The following HECW2 variants were observed in gnomAD, a reference collection of about 807,000 sequenced individuals.
HECW2 encodes E3 ubiquitin-protein ligase HECW2.
A neutral mutation model predicts 175.2 loss-of-function variants in HECW2; 61 were observed. The ratio of observed to expected loss-of-function variants is 0.35; its 90% CI spans 0.28 to 0.43. HECW2 has a LOEUF of 0.43. HECW2 is among the 20% of genes least tolerant of loss of function. HECW2 has a pLI of 1.00. For missense variants in HECW2, 1,524 were observed against 2,000.5 expected (o/e 0.76, Z 4.54); for synonymous variants, 671 against 731.0 (o/e 0.92, Z 1.32).
rs1686766084 is a variant in HECW2 at position 196,198,721 on chromosome 2, AT to A, written c.*2555del. 6.6e-6 allele frequency: 1 copy of A among 152,198 alleles called. No homozygotes were observed. Among genetic ancestry groups the A allele is most frequent in the Admixed American group, 6.5e-5 (1 of 15,274 alleles). 9.4% of individuals were successfully genotyped at this position (152,198 alleles called of 1,614,324 possible). ...ACAGTCCAGAAGAAAATATTTATGGATATTTCTAATTGTAGAGTACATGAAA... is the reference window on the plus strand; with the variant it reads ...ACAGTCCAGAAGAAAATATTTATGGAATTTCTAATTGTAGAGTACATGAAA... On this transcript the variant is annotated 3_prime_UTR_variant, in exon 29 of 29. Coordinates refer to ENST00000644978, the MANE Select transcript of HECW2 (RefSeq NM_001348768.2).
In HECW2 at chr2:196,583,591, G is replaced by A. The variant is rs572355336; in HGVS notation, c.-36+9917C>T. ...AGGAGTTAGAAGACTTACGAAGGAA[G>A]AAAGTTCTGAGATGAGAGTTATCTG... is the stretch of plus-strand genomic sequence containing the variant. On this transcript the variant is annotated intron_variant, in intron 1 of 28. Transcript: ENST00000644978. 7.9e-5 allele frequency among the ~76,000 whole-genome samples: 12 copies of A among 152,318 alleles called. No homozygotes were observed. The South Asian group carries it at 2.3e-3, about 29-fold the overall frequency.
intron 1 of HECW2, among the ~76,000 whole-genome samples, chr2:196,500,118 T>C (rs1344379500): frequency 6.6e-6 from 1 of 152,192 alleles, no homozygotes; most frequent in East Asian, 1.9e-4. Context: ...AACCTTTTGC[T>C]AATAATTAAA....
At chr2:196,477,286 T>C (rs1049317744) in intron 1 of HECW2, among the ~76,000 whole-genome samples, 5 of 152,200 alleles carry the variant, frequency 3.3e-5, no homozygotes, top group African/African-American at 1.2e-4. Context: ...CCAGCAGTTG[T>C]CTAATAAAAA....
At position 196,324,918 on chromosome 2, in the gene HECW2, A is replaced by C; in HGVS notation, c.741+62T>G. On this transcript the variant is annotated intron_variant, in intron 6 of 28. Transcript: ENST00000644978. ...CCTGAGGGATGCAAAAGTCTCAAGGAAAGAGAGAGACTGGGCTGACTTCCT... is the reference window on the plus strand; with the variant it reads ...CCTGAGGGATGCAAAAGTCTCAAGGCAAGAGAGAGACTGGGCTGACTTCCT... 2.2e-6 allele frequency: 3 copies of C among 1,375,994 alleles called. No individual in the cohort carries two copies. The South Asian group carries it at 4.3e-5, about 20-fold the overall frequency. 85.2% of individuals were successfully genotyped at this position (1,375,994 alleles called of 1,614,324 possible).
intron 13 of HECW2, among the ~76,000 whole-genome samples, chr2:196,298,354 A>G (rs1259738933): frequency 6.6e-6 from 1 of 152,130 alleles, no homozygotes; most frequent in Non-Finnish European, 1.5e-5. Context: ...AATGCAAAAA[A>G]AGAAAGAAAA....
chr2:196,315,921 G>C (rs1691678932), intron 10 of HECW2: 2 of 152,112 alleles, frequency 1.3e-5, no homozygotes, highest in South Asian at 4.1e-4. Flanking sequence ...CTATTAATCT[G>C]TATATACATA....
At chr2:196,293,716 TA>T (rs1690693101) in intron 13 of HECW2, among the ~76,000 whole-genome samples, 2 of 152,204 alleles carry the variant, frequency 1.3e-5, no homozygotes, top group South Asian at 2.1e-4. Flanking sequence ...TGGCGATGAA[TA>T]TGCCACCTTA....
chr2:196,485,456 G>C (rs984970705), intron 1 of HECW2, among the ~76,000 whole-genome samples: 1 of 152,328 alleles, frequency 6.6e-6, no homozygotes, highest in East Asian at 1.9e-4. Flanking sequence ...AGCAGGTTTG[G>C]TGTCTAGTGA....
At chr2:196,203,751 T>C (rs1686957976) in intron 28 of HECW2, among the ~76,000 whole-genome samples, 1 of 152,340 alleles carries the variant, frequency 6.6e-6, no homozygotes, top group Non-Finnish European at 1.5e-5. Flanking sequence ...TATATTTAAG[T>C]GCACAGTACC....
At chr2:196,259,902 A>G (rs1467323180) in intron 17 of HECW2, 6 of 152,234 alleles carry the variant, frequency 3.9e-5, no homozygotes, top group Non-Finnish European at 1.5e-5. Context: ...ATCAAAAGCT[A>G]TCTCCCACAA....
At chr2:196,460,776 ATTTTTTTTTTT>A (rs201916150) in intron 1 of HECW2, among the ~76,000 whole-genome samples, 61 of 116,144 alleles carry the variant, frequency 5.3e-4, no homozygotes, top group East Asian at 5.8e-4. Flanking sequence ...ACACCTGGCA[ATTTTTTTTTTT>A]TTTTTTTTTT....
At chr2:196,294,411 C>T (rs562274191) in intron 13 of HECW2, among the ~76,000 whole-genome samples, 4 of 152,248 alleles carry the variant, frequency 2.6e-5, no homozygotes, top group Non-Finnish European at 5.9e-5. Context: ...TCTTTAGTGT[C>T]TCAGGGACAC....
At chr2:196,287,889 T>C (rs1690449843) in intron 14 of HECW2, 1 of 152,206 alleles carries the variant, frequency 6.6e-6, no homozygotes, top group Admixed American at 6.5e-5. Flanking sequence ...CCTCAAACAC[T>C]GCTGTTACTA....
intron 1 of HECW2, among the ~76,000 whole-genome samples, chr2:196,508,109 C>T (rs1370163783): frequency 6.6e-6 from 1 of 152,170 alleles, no homozygotes; most frequent in Non-Finnish European, 1.5e-5. Context: ...GTATTTTTAT[C>T]CCTCTGCAAC....
intron 2 of HECW2, among the ~76,000 whole-genome samples, chr2:196,419,071 G>C (rs1052160324): frequency 6.6e-6 from 1 of 152,210 alleles, no homozygotes; most frequent in African/African-American, 2.4e-5. Flanking sequence ...ACAGAGAGCT[G>C]GGTAAGGTGC....
At chr2:196,479,198 C>G (rs1020716525) in intron 1 of HECW2, among the ~76,000 whole-genome samples, 1 of 152,204 alleles carries the variant, frequency 6.6e-6, no homozygotes, top group Non-Finnish European at 1.5e-5. Context: ...ATCTCAGCCA[C>G]ACATCTTCTC....
At chr2:196,464,245 G>A (rs1194675343) in intron 1 of HECW2, among the ~76,000 whole-genome samples, 1 of 151,992 alleles carries the variant, frequency 6.6e-6, no homozygotes, top group Non-Finnish European at 1.5e-5. Context: ...TCATTTTAGG[G>A]CCTTTAAACA....
intron 2 of HECW2, among the ~76,000 whole-genome samples, chr2:196,400,474 T>C (rs1208535910): frequency 6.6e-6 from 1 of 152,222 alleles, no homozygotes; most frequent in Non-Finnish European, 1.5e-5. Context: ...TGAAACAGGA[T>C]AGCCTAGAAA....
chr2:196,554,110 G>A (rs1414631132), intron 1 of HECW2, among the ~76,000 whole-genome samples: 1 of 152,000 alleles, frequency 6.6e-6, no homozygotes, highest in Non-Finnish European at 1.5e-5. Flanking sequence ...AGGCCGAGGC[G>A]GGCGGATCAC....
Sources: allele counts gnomAD v4.1 joint callset (sites outside exome capture counted in the v4.1 genomes callset), GRCh38; gene constraint gnomAD v4.1.1; transcripts MANE v1.5; gene names NCBI Gene and HGNC (gene_info 2026-07-23, HGNC 2026-07-21).